Variants in KDM4C observed in about 807,000 individuals in gnomAD.
The protein encoded by KDM4C is lysine demethylase 4C.
In KDM4C, 81 loss-of-function variants were observed where a neutral mutation model predicts 129.3. The ratio of observed to expected loss-of-function variants is 0.63; its 90% CI spans 0.52 to 0.75. The LOEUF (loss-of-function observed/expected upper bound fraction) is 0.75, where lower values mean the gene tolerates loss of function less well. Ranked by LOEUF, KDM4C falls within the 30% of genes least tolerant of loss-of-function variation. The probability of loss-of-function intolerance (pLI) is 0.00; values close to 1 mark genes in which losing one functional copy is unlikely to be tolerated. For synonymous variants in KDM4C, 573 were observed against 456.1 expected (o/e 1.26, Z -3.26); for missense variants, 1,457 against 1,304.0 (o/e 1.12, Z -1.81).
At chr9:6,873,985 G>A (rs1047512019) in intron 5 of KDM4C, among the ~76,000 whole-genome samples, 1 of 149,904 alleles carries the variant, frequency 6.7e-6, no homozygotes, top group Admixed American at 6.7e-5. Flanking sequence ...TCAGCTAGCC[G>A]ACGGAGCAGT....
intron 17 of KDM4C, among the ~76,000 whole-genome samples, chr9:7,093,000 A>C (rs1028524970): frequency 7.9e-5 from 12 of 152,170 alleles, no homozygotes; most frequent in Non-Finnish European, 2.9e-5. Flanking sequence ...CTTTTAATTG[A>C]ACTTTTAGAA....
intron 17 of KDM4C, among the ~76,000 whole-genome samples, chr9:7,094,831 A>G (rs1836234496): frequency 6.6e-6 from 1 of 152,232 alleles, no homozygotes; most frequent in African/African-American, 2.4e-5. Flanking sequence ...TGCTGCTAGC[A>G]TAATTGAAAG....
chr9:7,048,142 C>T (rs574102218), intron 16 of KDM4C, among the ~76,000 whole-genome samples: 5 of 152,182 alleles, frequency 3.3e-5, no homozygotes, highest in African/African-American at 1.2e-4. Flanking sequence ...GGATGCCATA[C>T]TGTGAGATGG....
chr9:6,802,551 A>G (rs570108608), intron 2 of KDM4C, among the ~76,000 whole-genome samples: 2 of 152,350 alleles, frequency 1.3e-5, no homozygotes, highest in East Asian at 1.9e-4. Context: ...AAATACATAA[A>G]TATTTATAAG....
chr9:7,089,045 A>G (rs1265501444), intron 17 of KDM4C, among the ~76,000 whole-genome samples: 1 of 152,204 alleles, frequency 6.6e-6, no homozygotes, highest in Non-Finnish European at 1.5e-5. Context: ...GATGAGAAAA[A>G]AAATCGAGAT....
At chr9:7,118,677 C>T (rs1488322223) in intron 18 of KDM4C, among the ~76,000 whole-genome samples, 2 of 152,168 alleles carry the variant, frequency 1.3e-5, no homozygotes, top group Admixed American at 6.5e-5. Flanking sequence ...GCTCTTTGGC[C>T]TGTACGTCGG....
intron 15 of KDM4C, among the ~76,000 whole-genome samples, chr9:7,023,951 T>A (rs1295556010): frequency 1.3e-5 from 2 of 152,200 alleles, no homozygotes; most frequent in Non-Finnish European, 2.9e-5. Flanking sequence ...CAAAATTCTT[T>A]TTGTTATTGA....
At chr9:6,812,554 C>G (rs1831351616) in intron 3 of KDM4C, among the ~76,000 whole-genome samples, 1 of 152,120 alleles carries the variant, frequency 6.6e-6, no homozygotes, top group Non-Finnish European at 1.5e-5. Flanking sequence ...AACCTAGACC[C>G]CTCACATGCA....
At chr9:6,927,622 TC>T (rs1275088927) in intron 8 of KDM4C, among the ~76,000 whole-genome samples, 3 of 152,170 alleles carry the variant, frequency 2.0e-5, no homozygotes, top group Non-Finnish European at 2.9e-5. Flanking sequence ...CGTAGAGGCT[TC>T]CAGGGACCAC....
chr9:6,849,597 C>A lies in KDM4C; in HGVS notation c.526C>A (p.Pro176Thr). ...CGISIEGVNT[P>T]YLYFGMWKTT... is the part of the protein sequence containing the mutation. ...CATTTCTATTGAGGGTGTAAATACC[C>A]CATATCTCTATTTTGGCATGTGGAA... The change falls in exon 5 of 22, where the codon CCA (proline) becomes ACA (threonine). Residue 176 changes from proline (P) to threonine (T), a missense_variant. By Grantham distance (38) the Pro-to-Thr change is conservative. Coordinates refer to ENST00000381309, the MANE Select transcript of KDM4C (RefSeq NM_015061.6). The A allele has an allele frequency of 6.2e-7, 1 of 1,613,760 alleles. No individual in the cohort carries two copies. The highest frequency in any genetic ancestry group is 8.5e-7 in the Non-Finnish European group (1 of 1,179,840).
chr9:6,902,007 G>T (rs566425244), intron 8 of KDM4C, among the ~76,000 whole-genome samples: 3 of 152,166 alleles, frequency 2.0e-5, no homozygotes, highest in African/African-American at 4.8e-5. Flanking sequence ...AAATCTTCCT[G>T]TGACTCTGGT....
rs756276449 is a variant in KDM4C at position 7,013,969 on chromosome 9, C to G, written c.2150C>G (p.Ser717Cys). The G allele has an allele frequency of 3.3e-5, 54 of 1,613,798 alleles. No individual in the cohort carries two copies. Among genetic ancestry groups the G allele is most frequent in the Non-Finnish European group, 4.3e-5 (51 of 1,179,868 alleles). The change falls in exon 14 of 22, where the codon TCC (serine) becomes TGC (cysteine). Residue 717 changes from serine (S) to cysteine (C), a missense_variant. Ser to Cys is a moderately radical substitution (Grantham distance 112, BLOSUM62 -1). Transcript: ENST00000381309. The stretch of plus-strand genomic sequence containing the variant: ...GAGGATGGAACAAGTCTCCTTATTT[C>G]CTGTGCAAAGTGCTGCGTACGGGTT... Reference protein sequence around the residue: ...LEEDGTSLLISCAKCCVRVHA... With the variant: ...LEEDGTSLLICCAKCCVRVHA...
chr9:6,975,607 T>A (rs73397847), intron 8 of KDM4C, among the ~76,000 whole-genome samples: 38,742 of 152,148 alleles, frequency 0.25, 5,346 homozygotes, highest in South Asian at 0.46. Context: ...TTTAAGGGAC[T>A]CTTATTCTCT....
chr9:7,146,531 T>C (rs1170032471), intron 19 of KDM4C, among the ~76,000 whole-genome samples: 4 of 152,262 alleles, frequency 2.6e-5, no homozygotes, highest in Non-Finnish European at 4.4e-5. Context: ...CAAATGCTTC[T>C]GCTTTACACT....
chr9:7,084,796 G>A (rs922032818), intron 17 of KDM4C, among the ~76,000 whole-genome samples: 3 of 152,160 alleles, frequency 2.0e-5, no homozygotes, highest in Non-Finnish European at 4.4e-5. Flanking sequence ...TATTGAATGG[G>A]CACTTACCAT....
chr9:6,831,474 CT>C (rs1466551090), intron 4 of KDM4C, among the ~76,000 whole-genome samples: 1 of 152,140 alleles, frequency 6.6e-6, no homozygotes, highest in African/African-American at 2.4e-5. Context: ...TTCCCAGTAA[CT>C]GGGATTACAG....
In KDM4C at chr9:6,809,367, A is replaced by G. The variant is rs541955490; in HGVS notation, c.320+3593A>G. Among the ~76,000 whole-genome samples, 39 of 152,346 alleles carry G rather than the reference A, an allele frequency of 2.6e-4. No homozygotes were observed. In the South Asian group the frequency reaches 4.6e-3, roughly 18 times the overall value. On this transcript the variant is annotated intron_variant, in intron 3 of 21. Coordinates refer to ENST00000381309, the MANE Select transcript of KDM4C (RefSeq NM_015061.6). The stretch of plus-strand genomic sequence containing the variant: ...GCAATTAAACCTGTTTACAAGTATA[A>G]ACTATTGACTGTTTTCTGTTACTGT...
chr9:6,757,863 A>G (rs994431904), upstream of KDM4C: 9 of 985,456 alleles, frequency 9.1e-6, no homozygotes, highest in African/African-American at 1.4e-4. Flanking sequence ...GCGGAAGTTG[A>G]GCCCAAAGCA....
chr9:7,153,739 A>G (rs1476607533), intron 19 of KDM4C, among the ~76,000 whole-genome samples: 1 of 152,232 alleles, frequency 6.6e-6, no homozygotes. Flanking sequence ...TAGCCTGTAC[A>G]GAAATTTAGT....
Sources: gnomAD v4.1 joint callset for allele counts (sites outside exome capture counted in the v4.1 genomes callset) on GRCh38, gnomAD v4.1.1 for gene constraint, MANE v1.5 for transcripts, NCBI Gene and HGNC (gene_info 2026-07-23, HGNC 2026-07-21) for gene names.